The following ANAPC16 variants were observed in gnomAD, a reference collection of about 807,000 sequenced individuals.
The protein encoded by ANAPC16 is anaphase-promoting complex subunit 16.
ANAPC16 carries 6 observed loss-of-function variants against 13.1 expected under a neutral mutation model. The ratio of observed to expected loss-of-function variants is 0.46; its 90% CI spans 0.25 to 0.90. The LOEUF (loss-of-function observed/expected upper bound fraction) is 0.90. ANAPC16 is among the 40% of genes least tolerant of loss of function. The pLI is 0.18. For missense variants in ANAPC16, 113 were observed against 131.1 expected (o/e 0.86, Z 0.67); for synonymous variants, 55 against 51.3 (o/e 1.07, Z -0.31).
intron 3 of ANAPC16, 97 bp downstream of exon 3, chr10:72,230,537 T>C (rs1457547620): frequency 3.1e-6 from 3 of 959,766 alleles, no homozygotes; most frequent in East Asian, 4.9e-5. Context: ...CAAGGCTATT[T>C]TAGTGGACTT....
intron 3 of ANAPC16, 56 bp from the exon 4 acceptor site, chr10:72,232,945 G>A: frequency 7.3e-7 from 1 of 1,374,300 alleles, no homozygotes; most frequent in Non-Finnish European, 1.0e-6. Context: ...GGTGGCTGGT[G>A]GCAGTCTCTT....
intron 1 of ANAPC16, among the ~76,000 whole-genome samples, chr10:72,218,484 A>G (rs1167735439): frequency 6.6e-6 from 1 of 152,078 alleles, no homozygotes; most frequent in Non-Finnish European, 1.5e-5. Flanking sequence ...ATGTCACAGC[A>G]GATAAGCTAA....
chr10:72,216,935 C>A, intron 1 of ANAPC16: 1 of 456,240 alleles, frequency 2.2e-6, no homozygotes. Context: ...GCGAATAGAT[C>A]TGCACAATGA....
At position 72,228,029 on chromosome 10, in the gene ANAPC16, TA is replaced by T. The variant is rs79285694; in HGVS notation, c.143-2322del. ...CTGGGCGACAGAGCGAGACTTGGTTTAAAAAAAAAAAAAAAGGATATGAAAA... is the reference window on the plus strand; with the variant it reads ...CTGGGCGACAGAGCGAGACTTGGTTTAAAAAAAAAAAAAAGGATATGAAAA... On this transcript the variant is annotated intron_variant, in intron 2 of 3. Transcript: ENST00000299381. Among the ~76,000 whole-genome samples, 950 of 124,418 alleles carry T rather than the reference TA, an allele frequency of 7.6e-3. 1 individual carries two copies. The highest frequency in any genetic ancestry group is 0.012 in the Middle Eastern group (3 of 252). The allele number at this position is 124,418 out of a possible 152,430, so 81.6% of individuals were successfully genotyped here.
intron 2 of ANAPC16, among the ~76,000 whole-genome samples, chr10:72,224,809 C>A (rs1860067511): frequency 1.3e-5 from 2 of 152,222 alleles, no homozygotes; most frequent in South Asian, 4.1e-4. Flanking sequence ...ATACATTGCC[C>A]TTTTGTGTGA....
intron 2 of ANAPC16, 106 bp downstream of exon 2, chr10:72,224,162 T>C: frequency 8.3e-7 from 1 of 1,204,516 alleles, no homozygotes; most frequent in Non-Finnish European, 1.1e-6. Flanking sequence ...TGATTTCAGC[T>C]CCACATTTCA....
intron 1 of ANAPC16, chr10:72,220,154 AC>A (rs1239287957): frequency 6.6e-6 from 1 of 151,162 alleles, no homozygotes; most frequent in Non-Finnish European, 1.5e-5. Context: ...ACATGGAGAA[AC>A]CCCATCTCTA....
intron 3 of ANAPC16, among the ~76,000 whole-genome samples, chr10:72,232,002 C>G (rs570631113): frequency 1.3e-5 from 2 of 151,112 alleles, no homozygotes; most frequent in East Asian, 4.0e-4. Context: ...GCCTGACCAA[C>G]ATGGAGAAAC....
At chr10:72,223,705 G>A (rs1435011491) in intron 1 of ANAPC16, 183 bp from the exon 2 acceptor site, 5 of 440,526 alleles carry the variant, frequency 1.1e-5, no homozygotes, top group Non-Finnish European at 2.0e-5. Context: ...CATATTTTCA[G>A]TTCAAAACCT....
Position 72,233,300 on chromosome 10 carries a change from ATGTTT to A in ANAPC16, c.*190_*194del. 2 of 536,388 alleles carry A rather than the reference ATGTTT, an allele frequency of 3.7e-6. No individual in the cohort carries two copies. Among genetic ancestry groups the A allele is most frequent in the East Asian group, 2.9e-5 (1 of 34,448 alleles). 33.2% of individuals were successfully genotyped at this position (536,388 alleles called of 1,614,324 possible). ...ACTTATATGTGTGATCTTTCAGGGAATGTTTTGTTTATTTGTTTTTAAAAGTATTG... is the reference window on the plus strand; with the variant it reads ...ACTTATATGTGTGATCTTTCAGGGAATGTTTATTTGTTTTTAAAAGTATTG... On this transcript the variant is annotated 3_prime_UTR_variant, in exon 4 of 4. Transcript: ENST00000299381.
chr10:72,227,148 T>C (rs1860146794), intron 2 of ANAPC16, among the ~76,000 whole-genome samples: 1 of 152,200 alleles, frequency 6.6e-6, no homozygotes, highest in African/African-American at 2.4e-5. Context: ...AATGGAGCTC[T>C]AAGATTAAAG....
At chr10:72,220,945 T>C (rs1490519833) in intron 1 of ANAPC16, 1 of 152,210 alleles carries the variant, frequency 6.6e-6, no homozygotes, top group Non-Finnish European at 1.5e-5. Context: ...AGATGGAGTT[T>C]CGCTCTTGTT....
intron 1 of ANAPC16, among the ~76,000 whole-genome samples, chr10:72,218,599 C>T (rs1859765649): frequency 6.6e-6 from 1 of 152,130 alleles, no homozygotes; most frequent in South Asian, 2.1e-4. Context: ...TTAATTCACT[C>T]AGCAAACATT....
intron 1 of ANAPC16, among the ~76,000 whole-genome samples, chr10:72,218,222 C>A (rs1261668558): frequency 2.2e-5 from 2 of 92,466 alleles, no homozygotes; most frequent in Non-Finnish European, 4.0e-5. Context: ...ATATATATGC[C>A]GGAGGTTGCA....
intron 1 of ANAPC16, among the ~76,000 whole-genome samples, chr10:72,216,609 G>T (rs533042729): frequency 1.1e-4 from 16 of 151,892 alleles, no homozygotes; most frequent in South Asian, 4.2e-4. Flanking sequence ...TTTGTACTAG[G>T]GTAGGAACTT....
At chr10:72,218,543 G>A (rs1314037921) in intron 1 of ANAPC16, among the ~76,000 whole-genome samples, 1 of 152,112 alleles carries the variant, frequency 6.6e-6, no homozygotes, top group Non-Finnish European at 1.5e-5. Context: ...AAATGGGGAA[G>A]TTGGGTTAGA....
Position 72,218,185 on chromosome 10 carries a change from T to A in ANAPC16, c.-28+2047T>A, listed in dbSNP as rs1464652013. ...AAAAAAATATATATATATATATATATATATATATATATATATATATATATA... is the reference window on the plus strand; with the variant it reads ...AAAAAAATATATATATATATATATAAATATATATATATATATATATATATA... On this transcript the variant is annotated intron_variant, in intron 1 of 3. Transcript: ENST00000299381. 3.4e-3 allele frequency among the ~76,000 whole-genome samples: 231 copies of A among 67,618 alleles called. 16 individuals are homozygous for A. Among genetic ancestry groups the A allele is most frequent in the African/African-American group, 0.014 (147 of 10,260 alleles). 44.4% of individuals were successfully genotyped at this position (67,618 alleles called of 152,430 possible). A position where few individuals can be genotyped will look rare whatever the true frequency, so the allele number is the denominator to read the frequency against.
chr10:72,232,946 G>A lies in ANAPC16; in HGVS notation c.218-55G>A, dbSNP rs1466095204. Reference sequence around the variant, plus strand: ...CCAGTCATCATCTTGGTGGCTGGTGGCAGTCTCTTGGGTAATACGTTGTTG... The same window carrying A: ...CCAGTCATCATCTTGGTGGCTGGTGACAGTCTCTTGGGTAATACGTTGTTG... On this transcript the variant is annotated intron_variant, in intron 3 of 3. Transcript: ENST00000299381. The A allele has an allele frequency of 5.8e-6, 8 of 1,380,890 alleles. No individual in the cohort carries two copies. In the East Asian group the frequency reaches 1.6e-4, roughly 28 times the overall value. The allele number at this position is 1,380,890 out of a possible 1,614,324, so 85.5% of individuals were successfully genotyped here.
At chr10:72,216,428 G>A in intron 1 of ANAPC16, 1 of 210,544 alleles carries the variant, frequency 4.7e-6, no homozygotes, top group South Asian at 5.7e-5. Context: ...GGTGTTCTGA[G>A]CGCTCCCCTC....
Sources: gnomAD v4.1 joint callset for allele counts (sites outside exome capture counted in the v4.1 genomes callset) on GRCh38, gnomAD v4.1.1 for gene constraint, MANE v1.5 for transcripts, NCBI Gene and HGNC (gene_info 2026-07-23, HGNC 2026-07-21) for gene names.